The following ISLR2 variants were observed in gnomAD, a reference collection of about 807,000 sequenced individuals.
ISLR2 encodes immunoglobulin superfamily containing leucine rich repeat 2.
In ISLR2, 16 loss-of-function variants were observed where a neutral mutation model predicts 25.5. The ratio of observed to expected loss-of-function variants is 0.63; its 90% CI spans 0.43 to 0.95. ISLR2 has a LOEUF of 0.95. ISLR2 is among the 40% of genes least tolerant of loss of function. The probability of loss-of-function intolerance (pLI) is 0.00; values close to 1 mark genes in which losing one functional copy is unlikely to be tolerated. For missense variants in ISLR2, 883 were observed against 1,030.7 expected, an observed-to-expected ratio of 0.86 and a Z score of 1.96; for synonymous variants, 508 against 486.6, an observed-to-expected ratio of 1.04 and a Z score of -0.58.
Position 74,133,412 on chromosome 15 carries a change from G to A in ISLR2, c.658G>A (p.Val220Met), listed in dbSNP as rs1335669164. 1.9e-6 allele frequency: 3 copies of A among 1,607,166 alleles called. No individual in the cohort carries two copies. The highest frequency in any genetic ancestry group is 1.7e-5 in the Admixed American group (1 of 60,000). ...ACASPPALQG[V>M]PVYRLPALPC... Reference sequence around the variant, plus strand: ...TGCCTCGCCTCCCGCGCTGCAGGGGGTGCCGGTGTACCGCCTGCCCGCCCT... The same window carrying A: ...TGCCTCGCCTCCCGCGCTGCAGGGGATGCCGGTGTACCGCCTGCCCGCCCT... Residue 220 changes from valine (V) to methionine (M), a missense_variant, in exon 3 of 3, where the codon GTG (valine) becomes ATG (methionine). This residue lies in a region of ISLR2 where 271 missense variants were observed against 387.9 expected (regional missense o/e 0.70). Coordinates refer to ENST00000453268, the MANE Select transcript of ISLR2 (RefSeq NM_020851.3).
At chr15:74,118,946 C>T (rs906027901) in intron 2 of ISLR2, among the ~76,000 whole-genome samples, 20 of 151,954 alleles carry the variant, frequency 1.3e-4, no homozygotes, top group African/African-American at 4.1e-4. Flanking sequence ...TCTGAGCCAC[C>T]GCACCTGGCC....
At chr15:74,107,055 A>C (rs1333801682) in intron 2 of ISLR2, among the ~76,000 whole-genome samples, 7 of 151,028 alleles carry the variant, frequency 4.6e-5, no homozygotes, top group Non-Finnish European at 1.0e-4. Context: ...TGCCTGCTGG[A>C]GGGACTGGGG....
intron 2 of ISLR2, among the ~76,000 whole-genome samples, chr15:74,117,307 T>G (rs2141934252): frequency 6.6e-6 from 1 of 152,330 alleles, no homozygotes; most frequent in African/African-American, 2.4e-5. Flanking sequence ...CTCAATTGTC[T>G]CAGTCTGAAA....
At chr15:74,125,874 T>C (rs562155132), upstream of ISLR2, 8 of 152,356 alleles carry the variant, frequency 5.3e-5, no homozygotes, top group African/African-American at 1.9e-4. Flanking sequence ...TTTTTTTGTT[T>C]TTCCCTAGAA....
In ISLR2 at chr15:74,133,414, G is replaced by T; in HGVS notation, c.660G>T (p.Val220=). ...ACASPPALQG[V]PVYRLPALPC... is the part of the protein sequence containing the mutation. ...CCTCGCCTCCCGCGCTGCAGGGGGT[G>T]CCGGTGTACCGCCTGCCCGCCCTGC... The change falls in exon 3 of 3, where the codon GTG becomes GTT. Residue 220 remains valine (V), a synonymous_variant. Transcript: ENST00000453268. 1 of 1,607,094 alleles carries T rather than the reference G, an allele frequency of 6.2e-7. No individual in the cohort carries two copies. Among genetic ancestry groups the T allele is most frequent in the South Asian group, 1.1e-5 (1 of 91,018 alleles).
intron 2 of ISLR2, among the ~76,000 whole-genome samples, chr15:74,121,291 C>A (rs918961435): frequency 1.3e-5 from 2 of 152,116 alleles, no homozygotes; most frequent in African/African-American, 4.8e-5. Context: ...ATCAAGTTCC[C>A]AGCTGAGTCT....
At chr15:74,109,919 C>T in intron 2 of ISLR2, among the ~76,000 whole-genome samples, 1 of 152,188 alleles carries the variant, frequency 6.6e-6, no homozygotes, top group East Asian at 1.9e-4. Flanking sequence ...CCTCACTTCC[C>T]AAGTAGCTGA....
chr15:74,128,628 C>T, upstream of ISLR2: 1 of 456,452 alleles, frequency 2.2e-6, no homozygotes, highest in Non-Finnish European at 4.4e-6. Flanking sequence ...TGCCTCCCTG[C>T]GGAAGGCAAA....
chr15:74,139,587 A>T (rs1567167029), downstream of ISLR2, among the ~76,000 whole-genome samples: 1 of 152,090 alleles, frequency 6.6e-6, no homozygotes, highest in Non-Finnish European at 1.5e-5. Context: ...GCTTCCAGGG[A>T]ATCAGTTGTT....
At chr15:74,129,303 T>C (rs1387046568), upstream of ISLR2, 1 of 323,714 alleles carries the variant, frequency 3.1e-6, no homozygotes, top group Non-Finnish European at 6.0e-6. This position sits in a 1 kb window ranked among gnomAD's most constrained non-coding sequence, Gnocchi z 4.5. Flanking sequence ...CCGGGTGGTC[T>C]CTTTAGACGC....
chr15:74,110,216 T>C (rs2072154981), intron 2 of ISLR2, among the ~76,000 whole-genome samples: 1 of 152,328 alleles, frequency 6.6e-6, no homozygotes, highest in African/African-American at 2.4e-5. Flanking sequence ...ATAGTGGTAA[T>C]ATCAAATAAT....
At position 74,135,806 on chromosome 15, in the gene ISLR2, C is replaced by G. The variant is rs560094405; in HGVS notation, c.*814C>G. The G allele has an allele frequency of 6.0e-6, 1 of 166,544 alleles. No homozygotes were observed. Among genetic ancestry groups the G allele is most frequent in the Non-Finnish European group, 1.5e-5 (1 of 68,264 alleles). 10.3% of individuals were successfully genotyped at this position (166,544 alleles called of 1,614,324 possible). A position where few individuals can be genotyped will look rare whatever the true frequency, so the allele number is the denominator to read the frequency against. Reference sequence around the variant, plus strand: ...GCGTGAGGCACCGCGCCCGGCCCCTCCTCCCTTTCAATCCCTACTCCCAGA... The same window carrying G: ...GCGTGAGGCACCGCGCCCGGCCCCTGCTCCCTTTCAATCCCTACTCCCAGA... On this transcript the variant is annotated 3_prime_UTR_variant, in exon 3 of 3. Transcript: ENST00000453268.
At chr15:74,112,673 G>A (rs571873848) in intron 2 of ISLR2, among the ~76,000 whole-genome samples, 52 of 151,792 alleles carry the variant, frequency 3.4e-4, no homozygotes, top group Middle Eastern at 3.4e-3. Flanking sequence ...AACTATAGGC[G>A]CATGTTACCA....
chr15:74,112,486 C>T (rs1184693025), intron 2 of ISLR2, among the ~76,000 whole-genome samples: 4 of 151,422 alleles, frequency 2.6e-5, no homozygotes, highest in Non-Finnish European at 4.4e-5. Context: ...TACTTTAAAG[C>T]TCTTGCCTGC....
upstream of ISLR2, chr15:74,126,894 ATTTGTG>A (rs1567158178): frequency 8.8e-6 from 1 of 113,336 alleles, no homozygotes; most frequent in African/African-American, 3.5e-5. Context: ...TGGAGAGAAC[ATTTGTG>A]TGTGTGTGTG....
At chr15:74,128,832 C>T (rs1335847688), upstream of ISLR2, 2 of 399,894 alleles carry the variant, frequency 5.0e-6, no homozygotes, top group Non-Finnish European at 9.9e-6. Flanking sequence ...GTTCCCAACA[C>T]CCGGACAACT....
intron 2 of ISLR2, among the ~76,000 whole-genome samples, chr15:74,107,862 G>A (rs1304329943): frequency 6.6e-6 from 1 of 152,180 alleles, no homozygotes; most frequent in Non-Finnish European, 1.5e-5. Context: ...CACTGGGTAT[G>A]GATCAGGCTC....
downstream of ISLR2, among the ~76,000 whole-genome samples, chr15:74,139,869 T>A (rs1172888412): frequency 1.1e-5 from 1 of 95,206 alleles, no homozygotes; most frequent in Non-Finnish European, 2.1e-5. Context: ...GAGGAGTGTG[T>A]GTGTGTGTGT....
rs1406467333 is a variant in ISLR2, at chr15:74,122,944, G to T, written n.229-8263G>T. ...GGGGTTCTCTGAATGTGTGTTTATT[G>T]TGGCCTTTCTGTGTCCTGTGATGGC... On this transcript the variant is annotated intron_variant and non_coding_transcript_variant, in intron 2 of 3. Transcript: ENST00000561975. Among the ~76,000 whole-genome samples the T allele has an allele frequency of 2.6e-5, 4 of 152,142 alleles. 1 individual carries two copies. Among genetic ancestry groups the T allele is most frequent in the Admixed American group, 2.6e-4 (4 of 15,284 alleles).
Sources: allele counts gnomAD v4.1 joint callset (sites outside exome capture counted in the v4.1 genomes callset), GRCh38; gene constraint gnomAD v4.1.1; regional missense constraint gnomAD v4.1.1; non-coding constraint Gnocchi (gnomAD v3.1); transcripts MANE v1.5; gene names NCBI Gene and HGNC (gene_info 2026-07-23, HGNC 2026-07-21).